The following HELQ variants were observed in gnomAD, a reference collection of about 807,000 sequenced individuals.
HELQ encodes the protein helicase POLQ-like.
In HELQ, 77 loss-of-function variants were observed where a neutral mutation model predicts 111.6. That is an observed-to-expected ratio of 0.69 (90% CI 0.57 to 0.83). The LOEUF is 0.83. Among genes scored for constraint, HELQ ranks in the 40% least tolerant of loss-of-function variants. The pLI is 0.00. For missense variants in HELQ, 1,200 were observed against 1,288.5 expected (o/e 0.93, Z 1.05); for synonymous variants, 438 against 454.7 (o/e 0.96, Z 0.47).
At chr4:83,428,306 T>A (rs1335571728) in intron 12 of HELQ, among the ~76,000 whole-genome samples, 1 of 151,750 alleles carries the variant, frequency 6.6e-6, no homozygotes, top group Non-Finnish European at 1.5e-5. Flanking sequence ...AATTCTGAGT[T>A]CTTAGGTTTT....
intron 5 of HELQ, among the ~76,000 whole-genome samples, chr4:83,443,918 G>A (rs1187857929): frequency 6.6e-6 from 1 of 151,854 alleles, no homozygotes; most frequent in African/African-American, 2.4e-5. Context: ...GGTAGTGCAC[G>A]CCTGTAGTCC....
At chr4:83,413,317 T>C (rs1416714109) in intron 17 of HELQ, among the ~76,000 whole-genome samples, 2 of 152,228 alleles carry the variant, frequency 1.3e-5, no homozygotes, top group Non-Finnish European at 2.9e-5. Flanking sequence ...ACCCAGCTGA[T>C]GTCTGCTACA....
At chr4:83,451,603 T>G (rs868797633) in intron 2 of HELQ, among the ~76,000 whole-genome samples, 1 of 151,838 alleles carries the variant, frequency 6.6e-6, no homozygotes, top group Non-Finnish European at 1.5e-5. Context: ...GAGGCGGAGC[T>G]TGCAGTGAGC....
rs113520876 is a variant in HELQ at position 83,427,612 on chromosome 4, T to C, written c.2627A>G (p.Tyr876Cys). The C allele has an allele frequency of 8.1e-6, 13 of 1,604,000 alleles. No homozygotes were observed. The East Asian group carries it at 1.8e-4, about 22-fold the overall frequency. ...AGGGTTACACTGTGAAACCAGATCA[T>C]AGGGGGTTGTTAGGTAGATTAGATG... Reference protein sequence around the residue: ...LLHLIYLTTPYDLVSQCNPDW... With the variant: ...LLHLIYLTTPCDLVSQCNPDW... Residue 876 changes from tyrosine (Y) to cysteine (C), a missense_variant, in exon 13 of 18, where the codon TAT becomes TGT. This residue lies in a region of HELQ where 585 missense variants were observed against 665.3 expected (regional missense o/e 0.88). Coordinates refer to ENST00000295488, the MANE Select transcript of HELQ (RefSeq NM_133636.5).
Position 83,427,685 on chromosome 4 carries a change from T to C in HELQ, c.2554A>G (p.Arg852Gly). ...CCTTCAAGACCTTTCTTCAAGTCTC[T>C]GTACAGAATGTCACAATAAGCTAAA... ...IDLAYCDILY[R>G]DLKKGLEGLV... is the part of the protein sequence containing the mutation. The change falls in exon 13 of 18, where the codon AGA becomes GGA. Residue 852 changes from arginine (R) to glycine (G), a missense_variant. Around this residue, in one of 3 missense-constraint regions of HELQ, gnomAD observed 585 missense variants for 665.3 expected, o/e 0.88. Transcript: ENST00000295488. 1 of 1,580,950 alleles carries C rather than the reference T, an allele frequency of 6.3e-7. No homozygotes were observed. The highest frequency in any genetic ancestry group is 8.6e-7 in the Non-Finnish European group (1 of 1,167,382).
rs889374668 is a variant in HELQ, at chr4:83,449,570, C to T, written c.1013-609G>A. Reference sequence around the variant, plus strand: ...CTAGGATTCCCACAATTTGGCAAGGCGGGATTCATGAAAATAGATCAGATC... The same window carrying T: ...CTAGGATTCCCACAATTTGGCAAGGTGGGATTCATGAAAATAGATCAGATC... On this transcript the variant is annotated intron_variant, in intron 2 of 17. Coordinates refer to ENST00000295488, the MANE Select transcript of HELQ (RefSeq NM_133636.5). 2.6e-5 allele frequency among the ~76,000 whole-genome samples: 4 copies of T among 152,056 alleles called. No individual in the cohort carries two copies. In the East Asian group the frequency reaches 7.7e-4, roughly 29 times the overall value.
At chr4:83,416,424 T>C (rs939366778) in intron 17 of HELQ, among the ~76,000 whole-genome samples, 10 of 152,136 alleles carry the variant, frequency 6.6e-5, no homozygotes, top group Non-Finnish European at 1.5e-4. Context: ...TCTCATTATG[T>C]TGCCCAGGCT....
At chr4:83,439,770 C>T (rs1720671515) in intron 8 of HELQ, 93 bp downstream of exon 8, 1 of 826,400 alleles carries the variant, frequency 1.2e-6, no homozygotes, top group Non-Finnish European at 1.9e-6. Context: ...TGATGTTTTG[C>T]AAGGCATAAT....
At chr4:83,416,200 G>A (rs1341620074) in intron 17 of HELQ, among the ~76,000 whole-genome samples, 1 of 150,912 alleles carries the variant, frequency 6.6e-6, no homozygotes, top group Non-Finnish European at 1.5e-5. Flanking sequence ...CACCTGCCTC[G>A]GCCTCCCAAA....
intron 17 of HELQ, among the ~76,000 whole-genome samples, chr4:83,411,382 G>GGATCCTCAA (rs1739088578): frequency 2.0e-5 from 3 of 151,546 alleles, no homozygotes; most frequent in African/African-American, 7.3e-5. Flanking sequence ...GGCTGAGGAG[G>GGATCCTCAA]GTGGATCACT....
Position 83,429,593 on chromosome 4 carries a change from T to A in HELQ, c.2449A>T (p.Ile817Phe). 1 of 1,612,842 alleles carries A rather than the reference T, an allele frequency of 6.2e-7. No homozygotes were observed. Among genetic ancestry groups the A allele is most frequent in the African/African-American group, 1.3e-5 (1 of 75,028 alleles). Residue 817 changes from isoleucine (I) to phenylalanine (F), a missense_variant, in exon 12 of 18, where the codon ATT (isoleucine) becomes TTT (phenylalanine). Ile to Phe is a conservative substitution (Grantham distance 21, BLOSUM62 0). This residue lies in a region of HELQ where 585 missense variants were observed against 665.3 expected (regional missense o/e 0.88). Transcript: ENST00000295488. ...TEKGLLQKDT[I>F]YKSEEEVQYN... ...TGGACCTCTTCTTCAGACTTATAAA[T>A]AGTGTCTTTTTGTAGGAGTCCTTTT...
At chr4:83,454,799 C>T (rs1006712884) in intron 1 of HELQ, among the ~76,000 whole-genome samples, 4 of 152,084 alleles carry the variant, frequency 2.6e-5, no homozygotes, top group Admixed American at 1.3e-4. Flanking sequence ...TCAGCGCATT[C>T]GAAGTTTCTG....
Position 83,418,712 on chromosome 4 carries a change from T to G in HELQ, c.2950-506A>C, listed in dbSNP as rs1447047396. 2.0e-5 allele frequency among the ~76,000 whole-genome samples: 3 copies of G among 152,248 alleles called. No individual in the cohort carries two copies. In the East Asian group the frequency reaches 5.8e-4, roughly 29 times the overall value. The stretch of plus-strand genomic sequence containing the variant: ...CATAGATATTTGCAATATTCTATTA[T>G]AGTAGTTTATTTTATTTTAAAGTTC... On this transcript the variant is annotated intron_variant, in intron 15 of 17. Coordinates refer to ENST00000295488, the MANE Select transcript of HELQ (RefSeq NM_133636.5).
At chr4:83,455,349 G>C in intron 1 of HELQ, 48 bp downstream of exon 1, 1 of 1,590,642 alleles carries the variant, frequency 6.3e-7, no homozygotes, top group Non-Finnish European at 8.6e-7. Context: ...CTTTGCATCT[G>C]GGAAGGATGC....
chr4:83,434,752 T>A (rs992210149), intron 9 of HELQ, among the ~76,000 whole-genome samples: 5 of 152,080 alleles, frequency 3.3e-5, no homozygotes, highest in African/African-American at 1.2e-4. Flanking sequence ...AAAAACTGAT[T>A]TTTTGATATG....
intron 8 of HELQ, 125 bp from the exon 9 acceptor site, chr4:83,437,222 C>G: frequency 1.1e-6 from 1 of 892,078 alleles, no homozygotes; most frequent in Non-Finnish European, 1.7e-6. Flanking sequence ...GAGTTAAGTA[C>G]ATTAAATGTT....
chr4:83,439,530 T>G lies in HELQ; in HGVS notation c.1808+333A>C, dbSNP rs542777039. Among the ~76,000 whole-genome samples, 16 of 152,078 alleles carry G rather than the reference T, an allele frequency of 1.1e-4. No individual in the cohort carries two copies. In the South Asian group the frequency reaches 3.3e-3, roughly 32 times the overall value. ...GCAAGGCACCACACCCAGCTAATTT[T>G]TTGTATTTTTAGTAGAGATGGGGTT... On this transcript the variant is annotated intron_variant, in intron 8 of 17. Transcript: ENST00000295488.
chr4:83,431,808 T>C (rs1376549291), intron 10 of HELQ, 40 bp from the exon 11 acceptor site: 3 of 802,718 alleles, frequency 3.7e-6, no homozygotes, highest in Non-Finnish European at 5.6e-6. Flanking sequence ...GTGTTATTAT[T>C]AAAAATAAAT....
At chr4:83,451,917 A>G (rs1721398676) in intron 2 of HELQ, among the ~76,000 whole-genome samples, 1 of 152,200 alleles carries the variant, frequency 6.6e-6, no homozygotes, top group African/African-American at 2.4e-5. Flanking sequence ...TGCTTCTCCA[A>G]CCTGATTGTC....
Sources: allele counts gnomAD v4.1 joint callset (sites outside exome capture counted in the v4.1 genomes callset), GRCh38; gene constraint gnomAD v4.1.1; regional missense constraint gnomAD v4.1.1; transcripts MANE v1.5; gene names NCBI Gene and HGNC (gene_info 2026-07-23, HGNC 2026-07-21).